Variants in ASIC2 observed in about 807,000 individuals in gnomAD.
ASIC2 encodes acid sensing ion channel subunit 2.
Under a neutral mutation model 57.3 loss-of-function variants are expected in ASIC2, and 25 were observed. The observed-to-expected ratio is 0.44, with a 90% confidence interval of 0.32 to 0.61. ASIC2 has a LOEUF of 0.61. Ranked by LOEUF, ASIC2 falls within the 20% of genes least tolerant of loss-of-function variation. The pLI, the probability that ASIC2 is intolerant of heterozygous loss-of-function variation, is 0.06. For synonymous variants in ASIC2, 319 were observed against 307.5 expected (o/e 1.04, Z -0.39); for missense variants, 641 against 738.1 (o/e 0.87, Z 1.52).
At chr17:33,019,841 A>T (rs561769362) in intron 7 of ASIC2, among the ~76,000 whole-genome samples, 26 of 150,024 alleles carry the variant, frequency 1.7e-4, no homozygotes, top group East Asian at 3.9e-4. Context: ...GATCTGTGTG[A>T]GAGAGAGAGA....
Position 33,962,578 on chromosome 17 carries a change from G to A in ASIC2, c.555+193400C>T, listed in dbSNP as rs939176263. Among the ~76,000 whole-genome samples the A allele has an allele frequency of 2.0e-5, 3 of 152,188 alleles. 1 individual carries two copies. Among genetic ancestry groups the A allele is most frequent in the South Asian group, 4.2e-4 (2 of 4,812 alleles). Reference sequence around the variant, plus strand: ...GATGTCTCTTCTGTTATCATTTCGGGTCAGGAATGAAGTGCTCATGTTCGC... The same window carrying A: ...GATGTCTCTTCTGTTATCATTTCGGATCAGGAATGAAGTGCTCATGTTCGC... On this transcript the variant is annotated intron_variant, in intron 1 of 9. Transcript: ENST00000359872.
At chr17:33,105,502 A>T (rs2092231290) in intron 2 of ASIC2, among the ~76,000 whole-genome samples, 1 of 152,236 alleles carries the variant, frequency 6.6e-6, no homozygotes, top group South Asian at 2.1e-4. Flanking sequence ...AGCAGTATGA[A>T]AATGGACTAA....
chr17:33,708,404 C>T (rs1225854758), intron 1 of ASIC2, among the ~76,000 whole-genome samples: 1 of 151,886 alleles, frequency 6.6e-6, no homozygotes, highest in Non-Finnish European at 1.5e-5. Flanking sequence ...CCTTCTTGAT[C>T]TTCGTCTTCA....
chr17:33,311,509 C>A (rs1308058894), intron 1 of ASIC2, among the ~76,000 whole-genome samples: 1 of 151,762 alleles, frequency 6.6e-6, no homozygotes, highest in Non-Finnish European at 1.5e-5. Flanking sequence ...TGCAGGGCAG[C>A]CCAGTTTCTT....
chr17:33,330,778 G>C (rs1455817706), intron 1 of ASIC2, among the ~76,000 whole-genome samples: 1 of 152,110 alleles, frequency 6.6e-6, no homozygotes, highest in Non-Finnish European at 1.5e-5. Context: ...TAAGGATTGA[G>C]TCATAAGAAT....
intron 1 of ASIC2, among the ~76,000 whole-genome samples, chr17:33,854,687 G>T (rs531152328): frequency 2.6e-5 from 4 of 152,136 alleles, no homozygotes; most frequent in Non-Finnish European, 4.4e-5. Context: ...CTGCACATTT[G>T]GGTGAGTGGC....
intron 1 of ASIC2, among the ~76,000 whole-genome samples, chr17:33,847,840 AAAG>A (rs1365275650): frequency 3.9e-5 from 6 of 152,148 alleles, no homozygotes; most frequent in Non-Finnish European, 5.9e-5. Flanking sequence ...AAGGAGGAAA[AAAG>A]AAGATCAAGT....
intron 1 of ASIC2, among the ~76,000 whole-genome samples, chr17:33,316,704 A>G (rs143037984): frequency 1.2e-3 from 189 of 152,358 alleles, no homozygotes; most frequent in Non-Finnish European, 2.1e-3. Context: ...TTTTGAGGGC[A>G]AAGCTTTGCT....
chr17:33,856,344 T>C (rs929445268), intron 1 of ASIC2, among the ~76,000 whole-genome samples: 1 of 124,800 alleles, frequency 8.0e-6, no homozygotes, highest in African/African-American at 2.9e-5. Flanking sequence ...ACAGTGTTTG[T>C]TGTTACAGTA....
chr17:33,811,728 G>A (rs1567722614), intron 1 of ASIC2, among the ~76,000 whole-genome samples: 3 of 152,196 alleles, frequency 2.0e-5, no homozygotes, highest in Non-Finnish European at 2.9e-5. Flanking sequence ...TGTTAATGAA[G>A]TAGCTGAGGC....
intron 1 of ASIC2, among the ~76,000 whole-genome samples, chr17:33,421,976 G>A: frequency 6.6e-6 from 1 of 152,186 alleles, no homozygotes; most frequent in East Asian, 1.9e-4. Context: ...CCTTTGGACA[G>A]ACCTCGACTT....
chr17:33,837,728 A>G (rs1913315925), intron 1 of ASIC2, among the ~76,000 whole-genome samples: 1 of 152,150 alleles, frequency 6.6e-6, no homozygotes, highest in South Asian at 2.1e-4. Context: ...ACGAAAAACA[A>G]AAAACAAAAC....
chr17:34,017,199 A>G (rs970037133), intron 1 of ASIC2, among the ~76,000 whole-genome samples: 1 of 152,160 alleles, frequency 6.6e-6, no homozygotes, highest in African/African-American at 2.4e-5. Context: ...AAACTTTTTC[A>G]TTACCATTAT....
At chr17:33,724,234 A>G (rs926499317) in intron 1 of ASIC2, among the ~76,000 whole-genome samples, 12 of 152,140 alleles carry the variant, frequency 7.9e-5, no homozygotes, top group African/African-American at 2.9e-4. Flanking sequence ...GCCACGAGGA[A>G]CTGTGAATCC....
chr17:33,726,601 C>T (rs1394475850), intron 1 of ASIC2, among the ~76,000 whole-genome samples: 1 of 152,164 alleles, frequency 6.6e-6, no homozygotes, highest in Non-Finnish European at 1.5e-5. Context: ...AGACTCTAGG[C>T]TCTCTGCCTT....
intron 1 of ASIC2, among the ~76,000 whole-genome samples, chr17:34,042,376 A>G (rs1908171106): frequency 6.6e-6 from 1 of 152,204 alleles, no homozygotes; most frequent in Admixed American, 6.5e-5. Context: ...AACAATAAAA[A>G]AGAACAAATA....
At chr17:33,259,291 C>G (rs999621051) in intron 1 of ASIC2, among the ~76,000 whole-genome samples, 9 of 152,166 alleles carry the variant, frequency 5.9e-5, no homozygotes, top group African/African-American at 2.2e-4. Flanking sequence ...GTGGCATTAT[C>G]TTGTACAGCA....
At chr17:33,562,104 T>C (rs1420463294) in intron 1 of ASIC2, among the ~76,000 whole-genome samples, 1 of 152,208 alleles carries the variant, frequency 6.6e-6, no homozygotes, top group Admixed American at 6.5e-5. Flanking sequence ...TTCAGAACCA[T>C]CCTCCAAGAC....
At chr17:33,372,125 G>C (rs1166151832) in intron 1 of ASIC2, among the ~76,000 whole-genome samples, 2 of 152,094 alleles carry the variant, frequency 1.3e-5, no homozygotes, top group East Asian at 3.9e-4. Flanking sequence ...ATGGCATAGG[G>C]GCTGAGCCAG....
Sources: allele counts gnomAD v4.1 joint callset (sites outside exome capture counted in the v4.1 genomes callset), GRCh38; gene constraint gnomAD v4.1.1; transcripts MANE v1.5; gene names NCBI Gene and HGNC (gene_info 2026-07-23, HGNC 2026-07-21).